MYO5A: variants seen among roughly 807,000 people sequenced by gnomAD.
MYO5A encodes the protein myosin VA, also known as unconventional myosin-Va.
A neutral mutation model predicts 249.7 loss-of-function variants in MYO5A; 98 were observed. That is an observed-to-expected ratio of 0.39 (90% CI 0.33 to 0.46). The LOEUF is 0.46. MYO5A is among the 20% of genes least tolerant of loss of function. The pLI is 0.98. For synonymous variants in MYO5A, 778 were observed against 810.6 expected (o/e 0.96, Z 0.68); for missense variants, 1,696 against 2,308.8 (o/e 0.73, Z 5.44).
chr15:52,501,809 C>G (rs925532476), intron 1 of MYO5A, among the ~76,000 whole-genome samples: 2 of 151,538 alleles, frequency 1.3e-5, no homozygotes, highest in South Asian at 2.1e-4. Flanking sequence ...TTTAAGCAGT[C>G]TAAACAGTCT....
intron 16 of MYO5A, among the ~76,000 whole-genome samples, chr15:52,380,629 T>G (rs544383588): frequency 6.6e-6 from 1 of 151,940 alleles, no homozygotes; most frequent in East Asian, 1.9e-4. Context: ...TAGCCAGGCA[T>G]GGTGGCAGGC....
At chr15:52,527,688 T>C (rs2077752055) in intron 1 of MYO5A, among the ~76,000 whole-genome samples, 1 of 152,218 alleles carries the variant, frequency 6.6e-6, no homozygotes. Flanking sequence ...AGGTCACAGT[T>C]AGTAAGTCCC....
intron 22 of MYO5A, 149 bp downstream of exon 22, chr15:52,370,020 C>T (rs2041022135): frequency 2.8e-6 from 3 of 1,056,096 alleles, no homozygotes; most frequent in African/African-American, 3.1e-5. Flanking sequence ...GAAATAAATG[C>T]TTGGGAAACA....
At chr15:52,397,760 TC>T (rs1471528432) in intron 9 of MYO5A, among the ~76,000 whole-genome samples, 1 of 152,196 alleles carries the variant, frequency 6.6e-6, no homozygotes, top group Non-Finnish European at 1.5e-5. Flanking sequence ...AGTCAAAAAA[TC>T]AGTCAGCTAG....
At chr15:52,398,782 A>G (rs1023263283) in intron 9 of MYO5A, among the ~76,000 whole-genome samples, 6 of 152,170 alleles carry the variant, frequency 3.9e-5, no homozygotes, top group African/African-American at 1.4e-4. Flanking sequence ...TGAGGTTAGG[A>G]GTTTGAGACC....
chr15:52,478,105 G>A (rs952677143), intron 1 of MYO5A, among the ~76,000 whole-genome samples: 51 of 152,196 alleles, frequency 3.4e-4, no homozygotes, highest in Admixed American at 3.9e-4. Flanking sequence ...TCAAGCCTCC[G>A]CAATGGCGGG....
chr15:52,333,923 G>A (rs2039002588), intron 34 of MYO5A, among the ~76,000 whole-genome samples: 1 of 152,212 alleles, frequency 6.6e-6, no homozygotes. Context: ...TGGGGTAGAA[G>A]CAGGTACACT....
At chr15:52,379,526 T>A (rs1038508860) in intron 18 of MYO5A, 99 bp downstream of exon 18, 2 of 990,816 alleles carry the variant, frequency 2.0e-6, no homozygotes, top group South Asian at 1.3e-5. Context: ...CCCGAAATGA[T>A]CTGGACTAGT....
At chr15:52,336,269 A>G (rs2039113267) in intron 34 of MYO5A, among the ~76,000 whole-genome samples, 194 bp downstream of exon 34, 1 of 152,198 alleles carries the variant, frequency 6.6e-6, no homozygotes, top group Non-Finnish European at 1.5e-5. Context: ...ATTACTACCC[A>G]TGAAAAGAAC....
At chr15:52,487,392 G>A (rs968395161) in intron 1 of MYO5A, among the ~76,000 whole-genome samples, 5 of 151,740 alleles carry the variant, frequency 3.3e-5, no homozygotes, top group African/African-American at 1.2e-4. Context: ...CTCCAGCCTG[G>A]GCAACAGAGC....
At chr15:52,409,115 G>A (rs1038790703) in intron 6 of MYO5A, among the ~76,000 whole-genome samples, 2 of 152,096 alleles carry the variant, frequency 1.3e-5, no homozygotes, top group Non-Finnish European at 2.9e-5. Flanking sequence ...TGGAGACTGG[G>A]AAACTGCTAG....
At chr15:52,354,576 C>T (rs758950593) in intron 25 of MYO5A, among the ~76,000 whole-genome samples, 20 of 152,154 alleles carry the variant, frequency 1.3e-4, no homozygotes, top group Non-Finnish European at 1.9e-4. Context: ...ATGAAGTAGG[C>T]CGGGCACGGT....
intron 36 of MYO5A, among the ~76,000 whole-genome samples, chr15:52,327,620 T>C (rs1038671977): frequency 1.3e-5 from 2 of 152,132 alleles, no homozygotes; most frequent in African/African-American, 4.8e-5. Context: ...GCTGAGAGGA[T>C]TGCTTGAGCC....
chr15:52,434,315 T>A (rs2075613283), intron 1 of MYO5A, among the ~76,000 whole-genome samples: 1 of 152,224 alleles, frequency 6.6e-6, no homozygotes, highest in Admixed American at 6.5e-5. Flanking sequence ...TGGATTTTTT[T>A]ATGGTGGTTT....
At chr15:52,340,670 G>C (rs1472939569) in intron 31 of MYO5A, among the ~76,000 whole-genome samples, 1 of 152,166 alleles carries the variant, frequency 6.6e-6, no homozygotes, top group Non-Finnish European at 1.5e-5. Context: ...TAGGAGGCCG[G>C]GTGTGGTGGC....
chr15:52,313,878 A>T (rs758419806), intron 41 of MYO5A, 30 bp from the exon 42 acceptor site: 14 of 1,612,140 alleles, frequency 8.7e-6, no homozygotes, highest in Non-Finnish European at 1.2e-5. Context: ...AAATAAACAG[A>T]GCATCAGTTC....
chr15:52,363,961 G>A (rs182314093), intron 24 of MYO5A, among the ~76,000 whole-genome samples: 9 of 152,244 alleles, frequency 5.9e-5, no homozygotes, highest in Admixed American at 4.6e-4. Context: ...CCAACTGGCC[G>A]GGCGCAATGG....
chr15:52,435,793 CT>C (rs1306432063), intron 1 of MYO5A: 1 of 372,314 alleles, frequency 2.7e-6, no homozygotes, highest in Non-Finnish European at 5.2e-6. Flanking sequence ...CAAGTAGAGG[CT>C]AAAGCCCTCA....
Position 52,431,949 on chromosome 15 carries a change from C to A in MYO5A, c.138+1226G>T, listed in dbSNP as rs562276782. Among the ~76,000 whole-genome samples, 12 of 151,270 alleles carry A rather than the reference C, an allele frequency of 7.9e-5. No homozygotes were observed. In the South Asian group the frequency reaches 2.5e-3, roughly 31 times the overall value. ...TCTAGCCTGGGTGACAAAGTGAGAC[C>A]CTGCCTCAAAAAAAAATAAAAAAGG... On this transcript the variant is annotated intron_variant, in intron 2 of 41. Coordinates refer to ENST00000399233, the MANE Select transcript of MYO5A (RefSeq NM_001382347.1).
Sources: allele counts gnomAD v4.1 joint callset (sites outside exome capture counted in the v4.1 genomes callset), GRCh38; gene constraint gnomAD v4.1.1; transcripts MANE v1.5; gene names NCBI Gene and HGNC (gene_info 2026-07-23, HGNC 2026-07-21).